RXFP2: variants seen among roughly 807,000 people sequenced by gnomAD.
RXFP2 encodes the protein relaxin receptor 2.
In RXFP2, 68 loss-of-function variants were observed where a neutral mutation model predicts 88.6. The ratio of observed to expected loss-of-function variants is 0.77; its 90% CI spans 0.63 to 0.94. RXFP2 has a LOEUF of 0.94. RXFP2 is among the 40% of genes least tolerant of loss of function. RXFP2 has a pLI of 0.00. For synonymous variants in RXFP2, 329 were observed against 306.8 expected (o/e 1.07, Z -0.76); for missense variants, 791 against 893.9 (o/e 0.88, Z 1.47).
chr13:31,784,389 T>C (rs1314816021), intron 11 of RXFP2, among the ~76,000 whole-genome samples: 2 of 152,134 alleles, frequency 1.3e-5, no homozygotes, highest in African/African-American at 4.8e-5. Flanking sequence ...AAATGTTAAG[T>C]AGTTTTACTG....
intron 7 of RXFP2, among the ~76,000 whole-genome samples, chr13:31,776,010 G>A (rs1016524659): frequency 6.6e-6 from 1 of 152,148 alleles, no homozygotes; most frequent in African/African-American, 2.4e-5. Flanking sequence ...CTGGCCCTTA[G>A]CCCCATGCTT....
intron 13 of RXFP2, among the ~76,000 whole-genome samples, chr13:31,788,470 C>T (rs1293509671): frequency 6.6e-6 from 1 of 152,068 alleles, no homozygotes; most frequent in Admixed American, 6.6e-5. Flanking sequence ...TCAAAGTGTC[C>T]ACATTTGTAG....
At chr13:31,766,442 G>A (rs1026986640) in intron 5 of RXFP2, among the ~76,000 whole-genome samples, 3 of 152,146 alleles carry the variant, frequency 2.0e-5, no homozygotes, top group African/African-American at 7.2e-5. Flanking sequence ...CAGGGTGTTA[G>A]GAGTGAAAAC....
chr13:31,782,803 T>A, intron 11 of RXFP2, 56 bp downstream of exon 11: 1 of 1,143,664 alleles, frequency 8.7e-7, no homozygotes, highest in Non-Finnish European at 1.3e-6. Context: ...ATTATAAATT[T>A]AAATGACTAG....
chr13:31,742,782 A>G (rs959577537), intron 1 of RXFP2, among the ~76,000 whole-genome samples: 1 of 152,212 alleles, frequency 6.6e-6, no homozygotes, highest in Admixed American at 6.5e-5. Context: ...AATATAGTAA[A>G]CCAAATAAAA....
At chr13:31,768,549 T>A (rs1036658224) in intron 5 of RXFP2, among the ~76,000 whole-genome samples, 2 of 152,140 alleles carry the variant, frequency 1.3e-5, no homozygotes, top group Non-Finnish European at 2.9e-5. Context: ...AGCTGACAAG[T>A]AATAGAGATT....
At chr13:31,749,390 C>T (rs1871566830) in intron 1 of RXFP2, among the ~76,000 whole-genome samples, 1 of 152,188 alleles carries the variant, frequency 6.6e-6, no homozygotes, top group Admixed American at 6.5e-5. Context: ...TCCTTGTTCT[C>T]CTTCTTCAGT....
chr13:31,789,683 A>G (rs1873707330), intron 14 of RXFP2, among the ~76,000 whole-genome samples: 1 of 152,242 alleles, frequency 6.6e-6, no homozygotes, highest in Non-Finnish European at 1.5e-5. Flanking sequence ...GCTAAAGTGC[A>G]CTGTGTAAGT....
chr13:31,760,334 G>A (rs570423989), intron 2 of RXFP2, among the ~76,000 whole-genome samples: 2 of 152,158 alleles, frequency 1.3e-5, no homozygotes, highest in Non-Finnish European at 2.9e-5. Flanking sequence ...TAGGTGATCC[G>A]CCCGCCTCGG....
At chr13:31,759,393 GA>G (rs369150202) in intron 2 of RXFP2, among the ~76,000 whole-genome samples, 2 of 143,192 alleles carry the variant, frequency 1.4e-5, no homozygotes, top group South Asian at 2.5e-4. Context: ...AAGAAAGAAA[GA>G]AAGAAAGAAA....
At chr13:31,796,088 C>T (rs1318794483) in intron 16 of RXFP2, among the ~76,000 whole-genome samples, 85 of 107,262 alleles carry the variant, frequency 7.9e-4, no homozygotes, top group Non-Finnish European at 1.1e-3. Context: ...CTTGCTCTGT[C>T]GCCCAGGCTG....
chr13:31,777,335 T>C, intron 7 of RXFP2, 41 bp from the exon 8 acceptor site: 1 of 1,455,154 alleles, frequency 6.9e-7, no homozygotes, highest in East Asian at 2.3e-5. Flanking sequence ...ATTTCACAAA[T>C]GTCTCTAATA....
Position 31,791,791 on chromosome 13 carries a change from T to C in RXFP2, c.1146-15T>C. On this transcript the variant is annotated splice_polypyrimidine_tract_variant and intron_variant, in intron 14 of 17. Transcript: ENST00000298386. ...CATTGCTGCAAAGTGACACTTTTTT[T>C]CCCTTTGACTTTAGTTATTTCAAAA... is the stretch of plus-strand genomic sequence containing the variant. 1 of 1,584,706 alleles carries C rather than the reference T, an allele frequency of 6.3e-7. No individual in the cohort carries two copies. Among genetic ancestry groups the C allele is most frequent in the East Asian group, 2.2e-5 (1 of 44,730 alleles).
At chr13:31,746,692 A>G (rs973038782) in intron 1 of RXFP2, among the ~76,000 whole-genome samples, 4 of 149,770 alleles carry the variant, frequency 2.7e-5, no homozygotes, top group Non-Finnish European at 5.9e-5. Context: ...TGAATAGGTC[A>G]TTGCCTCTTT....
Position 31,792,984 on chromosome 13 carries a change from A to T in RXFP2, c.1682A>T (p.Asp561Val), listed in dbSNP as rs867288395. ...LIAVIPFWNK[D>V]YFGNFYGKNG... ...GCTGTAATTCCATTTTGGAATAAGG[A>T]TTATTTTGGAAACTTTTATGGGAAA... Residue 561 changes from aspartate to valine, a missense_variant, in exon 16 of 18, where the codon GAT becomes GTT. By Grantham distance (152) the Asp-to-Val change is radical. Coordinates refer to ENST00000298386, the MANE Select transcript of RXFP2 (RefSeq NM_130806.5). 6.2e-7 allele frequency: 1 copy of T among 1,614,012 alleles called. No homozygotes were observed.
In RXFP2 at chr13:31,802,234, T is replaced by G. The variant is rs752078507; in HGVS notation, c.2094T>G (p.Phe698Leu). The change falls in exon 18 of 18, where the codon TTT (phenylalanine) becomes TTG (leucine). Residue 698 changes from phenylalanine to leucine, a missense_variant. Phe to Leu is a conservative substitution (Grantham distance 22). Transcript: ENST00000298386. ...TCTATACTCTCACAACCAACTTTTT[T>G]AAGGACAAGTTGAAACAGCTGCTGC... ...PILYTLTTNFFKDKLKQLLHK... is the reference protein window; with the variant it reads ...PILYTLTTNFLKDKLKQLLHK... 1 of 1,614,044 alleles carries G rather than the reference T, an allele frequency of 6.2e-7. No homozygotes were observed. The highest frequency in any genetic ancestry group is 1.1e-5 in the South Asian group (1 of 91,072).
At chr13:31,765,501 C>T (rs1872515022) in intron 4 of RXFP2, among the ~76,000 whole-genome samples, 3 of 151,672 alleles carry the variant, frequency 2.0e-5, no homozygotes, top group Non-Finnish European at 4.4e-5. Context: ...GGTAATCTAT[C>T]CAAGACTGCA....
intron 1 of RXFP2, among the ~76,000 whole-genome samples, chr13:31,740,615 A>G (rs1470904491): frequency 1.3e-5 from 2 of 152,006 alleles, no homozygotes; most frequent in African/African-American, 2.4e-5. Flanking sequence ...TTGAAATAAA[A>G]TGCAATACTT....
chr13:31,795,153 CTT>C (rs760482845), intron 16 of RXFP2, among the ~76,000 whole-genome samples: 5 of 143,862 alleles, frequency 3.5e-5, no homozygotes, highest in Non-Finnish European at 3.1e-5. Flanking sequence ...AGAGCATACA[CTT>C]TTTTTTTTTT....
Sources: gnomAD v4.1 joint callset for allele counts (sites outside exome capture counted in the v4.1 genomes callset) on GRCh38, gnomAD v4.1.1 for gene constraint, MANE v1.5 for transcripts, NCBI Gene and HGNC (gene_info 2026-07-23, HGNC 2026-07-21) for gene names.